Variants in ADGRB3 observed in about 807,000 individuals in gnomAD.
ADGRB3 encodes adhesion G protein-coupled receptor B3, also known as brain-specific angiogenesis inhibitor 3.
In ADGRB3, 37 loss-of-function variants were observed where a neutral mutation model predicts 193.4. The observed-to-expected ratio is 0.19, with a 90% confidence interval of 0.15 to 0.25. The LOEUF (loss-of-function observed/expected upper bound fraction) is 0.25, where lower values mean the gene tolerates loss of function less well. Among genes scored for constraint, ADGRB3 ranks in the 10% least tolerant of loss-of-function variants. The pLI is 1.00. For missense variants in ADGRB3, 1,637 were observed against 1,852.9 expected, an observed-to-expected ratio of 0.88 and a Z score of 2.14; for synonymous variants, 690 against 644.2, an observed-to-expected ratio of 1.07 and a Z score of -1.08.
At chr6:69,009,577 G>GCAGC (rs1374599475) in intron 11 of ADGRB3, among the ~76,000 whole-genome samples, 1 of 152,108 alleles carries the variant, frequency 6.6e-6, no homozygotes, top group African/African-American at 2.4e-5. Flanking sequence ...ATATGGCCTT[G>GCAGC]CAGCCATCAA....
intron 3 of ADGRB3, among the ~76,000 whole-genome samples, chr6:68,762,449 T>C (rs1562019368): frequency 6.6e-6 from 1 of 151,782 alleles, no homozygotes; most frequent in South Asian, 2.1e-4. Context: ...AGATAAAGCA[T>C]CAAAATAAGA....
chr6:69,274,755 G>T (rs1231795940), intron 20 of ADGRB3, among the ~76,000 whole-genome samples: 1 of 151,888 alleles, frequency 6.6e-6, no homozygotes, highest in South Asian at 2.1e-4. Context: ...GGCTCTGAAA[G>T]AAGCAATCAG....
chr6:68,860,013 A>G (rs1765108610), intron 3 of ADGRB3, among the ~76,000 whole-genome samples: 1 of 152,194 alleles, frequency 6.6e-6, no homozygotes. Flanking sequence ...ATGAAAAATA[A>G]CTATGTATAT....
chr6:68,858,318 C>A (rs982258708), intron 3 of ADGRB3, among the ~76,000 whole-genome samples: 1 of 151,930 alleles, frequency 6.6e-6, no homozygotes, highest in Non-Finnish European at 1.5e-5. Context: ...GTCTGGCCAA[C>A]ATAGAGAAAC....
intron 3 of ADGRB3, among the ~76,000 whole-genome samples, chr6:68,882,933 G>A (rs576569554): frequency 5.3e-5 from 8 of 151,508 alleles, no homozygotes; most frequent in East Asian, 2.0e-4. Flanking sequence ...TTGGTCTGTC[G>A]CCCAGGCTGG....
chr6:69,136,566 A>G (rs1347695089), intron 17 of ADGRB3, among the ~76,000 whole-genome samples: 1 of 152,106 alleles, frequency 6.6e-6, no homozygotes, highest in Non-Finnish European at 1.5e-5. Context: ...TTGGCATTAT[A>G]TAAACAATCG....
At chr6:68,849,095 G>T (rs35756901) in intron 3 of ADGRB3, among the ~76,000 whole-genome samples, 1 of 152,018 alleles carries the variant, frequency 6.6e-6, no homozygotes, top group Admixed American at 6.6e-5. Context: ...TGTTTATTCG[G>T]AAGGTTTTGA....
At position 68,639,122 on chromosome 6, in the gene ADGRB3, G is replaced by C; in HGVS notation, c.447G>C (p.Gln149His). ...PGLQKKGEEDQKSFFEFLVLN... is the reference protein window; with the variant it reads ...PGLQKKGEEDHKSFFEFLVLN... Reference sequence around the variant, plus strand: ...TACAGAAAAAAGGGGAAGAAGATCAGAAATCTTTTTTTGAGTTTTTGGTAT... The same window carrying C: ...TACAGAAAAAAGGGGAAGAAGATCACAAATCTTTTTTTGAGTTTTTGGTAT... Residue 149 changes from glutamine (Q) to histidine (H), a missense_variant, in exon 3 of 32, where the codon CAG (glutamine) becomes CAC (histidine). By Grantham distance (24) the Gln-to-His change is conservative (BLOSUM62 0). This residue lies in a region of ADGRB3 where 365 missense variants were observed against 409.8 expected (regional missense o/e 0.89). Transcript: ENST00000370598. 6.2e-7 allele frequency: 1 copy of C among 1,614,148 alleles called. No homozygotes were observed.
intron 20 of ADGRB3, among the ~76,000 whole-genome samples, chr6:69,240,359 T>C (rs759461783): frequency 6.6e-6 from 1 of 152,064 alleles, no homozygotes; most frequent in East Asian, 1.9e-4. Flanking sequence ...TCAAGGGCCC[T>C]GTAGAAATAA....
Position 69,010,766 on chromosome 6 carries a change from G to T in ADGRB3, c.1930-3272G>T, listed in dbSNP as rs1173283573. Among the ~76,000 whole-genome samples, 10 of 106,276 alleles carry T rather than the reference G, an allele frequency of 9.4e-5. No individual in the cohort carries two copies. In the Admixed American group the frequency reaches 1.0e-3, roughly 11 times the overall value. 69.7% of individuals were successfully genotyped at this position (106,276 alleles called of 152,430 possible). A position where few individuals can be genotyped will look rare whatever the true frequency, so the allele number is the denominator to read the frequency against. On this transcript the variant is annotated intron_variant, in intron 11 of 31. Coordinates refer to ENST00000370598, the MANE Select transcript of ADGRB3 (RefSeq NM_001704.3). ...AATCAGTCTAGGTCATGGAGATCAA[G>T]GCTGACTAAAAAAAAAAAAAAAAAT...
intron 20 of ADGRB3, among the ~76,000 whole-genome samples, chr6:69,309,454 A>G (rs1768134993): frequency 6.6e-6 from 1 of 151,712 alleles, no homozygotes; most frequent in South Asian, 2.1e-4. Context: ...ATTTATTACA[A>G]GGGAATATTT....
rs185737210 is a variant in ADGRB3 at position 69,121,572 on chromosome 6, C to A, written c.2480+45534C>A. Among the ~76,000 whole-genome samples the A allele has an allele frequency of 3.0e-4, 46 of 151,800 alleles. No homozygotes were observed. In the East Asian group the frequency reaches 6.8e-3, roughly 22 times the overall value. ...GACGGGGCAGCCTGGCAGAGGCACACCTCACTTCCCAGATGGGGCAGCGGG... is the reference window on the plus strand; with the variant it reads ...GACGGGGCAGCCTGGCAGAGGCACAACTCACTTCCCAGATGGGGCAGCGGG... On this transcript the variant is annotated intron_variant, in intron 17 of 31. Coordinates refer to ENST00000370598, the MANE Select transcript of ADGRB3 (RefSeq NM_001704.3).
intron 29 of ADGRB3, among the ~76,000 whole-genome samples, chr6:69,371,079 C>T (rs1344504015): frequency 2.0e-5 from 3 of 152,068 alleles, no homozygotes; most frequent in Non-Finnish European, 4.4e-5. Flanking sequence ...ATAAAGCAGT[C>T]TCCTTTCAGC....
chr6:68,694,647 A>T (rs1437995124), intron 3 of ADGRB3, among the ~76,000 whole-genome samples: 1 of 151,478 alleles, frequency 6.6e-6, no homozygotes, highest in African/African-American at 2.4e-5. Flanking sequence ...GATCCCTTAA[A>T]CTCTGGTGCT....
intron 11 of ADGRB3, among the ~76,000 whole-genome samples, chr6:69,009,407 A>G (rs868668603): frequency 2.0e-5 from 3 of 152,156 alleles, no homozygotes; most frequent in Non-Finnish European, 4.4e-5. Context: ...AACAGAAAGA[A>G]TAGCAGTCCA....
intron 3 of ADGRB3, among the ~76,000 whole-genome samples, chr6:68,810,180 A>G (rs1313888006): frequency 1.3e-5 from 2 of 152,206 alleles, no homozygotes; most frequent in Non-Finnish European, 2.9e-5. Flanking sequence ...ATCAACAGCT[A>G]CTTTACTCCT....
chr6:68,863,392 C>A (rs1361995708), intron 3 of ADGRB3, among the ~76,000 whole-genome samples: 2 of 151,820 alleles, frequency 1.3e-5, no homozygotes, highest in Admixed American at 1.3e-4. Flanking sequence ...ATTGACAATA[C>A]TTTAGCAATT....
In ADGRB3 at chr6:68,637,455, A is replaced by G. The variant is rs1338202164; in HGVS notation, c.-123A>G. The G allele has an allele frequency of 6.6e-6, 1 of 152,646 alleles. No homozygotes were observed. Among genetic ancestry groups the G allele is most frequent in the Admixed American group, 6.5e-5 (1 of 15,280 alleles). 9.5% of individuals were successfully genotyped at this position (152,646 alleles called of 1,614,324 possible). On this transcript the variant is annotated 5_prime_UTR_variant, in exon 2 of 32. Transcript: ENST00000370598. ...AACTTGGCATCACTTTTATCAGCTC[A>G]AAGGCTAAACAAACAAACAAAAGCA... is the stretch of plus-strand genomic sequence containing the variant.
chr6:69,158,059 T>C (rs116053993), intron 17 of ADGRB3, among the ~76,000 whole-genome samples: 181 of 152,266 alleles, frequency 1.2e-3, no homozygotes, highest in African/African-American at 4.3e-3. Flanking sequence ...ATTAATTAGA[T>C]CTATCTTATG....
Sources: gnomAD v4.1 joint callset for allele counts (sites outside exome capture counted in the v4.1 genomes callset) on GRCh38, gnomAD v4.1.1 for gene constraint, gnomAD v4.1.1 regional missense constraint, MANE v1.5 for transcripts, NCBI Gene and HGNC (gene_info 2026-07-23, HGNC 2026-07-21) for gene names.